Variants in LAMB4 observed in about 807,000 individuals in gnomAD.
LAMB4 encodes laminin subunit beta-4.
LAMB4 carries 196 observed loss-of-function variants against 199.2 expected under a neutral mutation model. The ratio of observed to expected loss-of-function variants is 0.98; its 90% confidence interval spans 0.88 to 1.11. The LOEUF is 1.11. Ranked by LOEUF, LAMB4 falls within the 50% of genes least tolerant of loss-of-function variation. LAMB4 has a pLI of 0.00. For missense variants in LAMB4, 2,080 were observed against 2,171.2 expected (o/e 0.96, Z 0.83); for synonymous variants, 744 against 770.6 (o/e 0.97, Z 0.57).
chr7:108,019,881 A>C (rs1401827370), downstream of LAMB4, among the ~76,000 whole-genome samples: 1 of 152,112 alleles, frequency 6.6e-6, no homozygotes. Context: ...GTTGGGTCTC[A>C]GCTGTCCTTC....
intron 20 of LAMB4, 44 bp from the exon 21 acceptor site, chr7:108,065,963 A>C: frequency 6.3e-7 from 1 of 1,575,668 alleles, no homozygotes; most frequent in Non-Finnish European, 8.7e-7. Flanking sequence ...CCAGGAAAAG[A>C]TCACATGTTA....
At chr7:108,116,327 T>C (rs2038406965) in intron 2 of LAMB4, among the ~76,000 whole-genome samples, 166 bp from the exon 3 acceptor site, 3 of 152,206 alleles carry the variant, frequency 2.0e-5, no homozygotes, top group Admixed American at 2.0e-4. Flanking sequence ...CTACTTTGCT[T>C]GCTGGGTGGC....
At chr7:108,085,657 A>G (rs1220815572) in intron 14 of LAMB4, among the ~76,000 whole-genome samples, 2 of 151,922 alleles carry the variant, frequency 1.3e-5, no homozygotes, top group African/African-American at 4.8e-5. Flanking sequence ...TCTGTCACCC[A>G]GGCTGGAGTG....
intron 23 of LAMB4, among the ~76,000 whole-genome samples, chr7:108,061,733 T>C (rs1219216288): frequency 7.3e-6 from 1 of 136,474 alleles, no homozygotes; most frequent in East Asian, 2.0e-4. Context: ...AGCAAGACTC[T>C]TGTCTCAAAA....
chr7:108,075,251 T>C (rs191294408), intron 17 of LAMB4, among the ~76,000 whole-genome samples: 5 of 152,350 alleles, frequency 3.3e-5, no homozygotes, highest in Admixed American at 3.3e-4. Context: ...TTCTACTTTC[T>C]ACTTTATTTC....
chr7:108,020,487 A>G (rs538211220), downstream of LAMB4, among the ~76,000 whole-genome samples: 107 of 151,714 alleles, frequency 7.1e-4, no homozygotes, highest in Middle Eastern at 3.4e-3. Flanking sequence ...AAAAAAAAAA[A>G]AAAGAAAAGA....
intron 16 of LAMB4, among the ~76,000 whole-genome samples, 182 bp downstream of exon 16, chr7:108,078,019 G>A (rs1266476941): frequency 1.3e-5 from 2 of 152,222 alleles, no homozygotes; most frequent in African/African-American, 4.8e-5. Context: ...GTACTGAGTT[G>A]TTATGAAGAT....
the LAMB4 span, among the ~76,000 whole-genome samples, chr7:108,017,592 A>T: frequency 6.6e-6 from 1 of 152,202 alleles, no homozygotes; most frequent in African/African-American, 2.4e-5. Flanking sequence ...GTCCTCATAA[A>T]ACTTGATGTC....
chr7:108,024,171 T>C lies in LAMB4; in HGVS notation c.5154A>G (p.Glu1718=). Residue 1718 remains glutamate (E), a synonymous_variant, in exon 34 of 34, where the codon GAA becomes GAG. Transcript: ENST00000388781. ...EAKIRRITDL[E]RKIQDLNLSR... is the part of the protein sequence containing the mutation. ...TTAGATTCAAATCTTGGATTTTCCT[T>C]TCTAAATCTGAAAGAAGAAAATGAA... is the stretch of plus-strand genomic sequence containing the variant. 2 of 1,551,274 alleles carry C rather than the reference T, an allele frequency of 1.3e-6. No homozygotes were observed. The highest frequency in any genetic ancestry group is 1.8e-6 in the Non-Finnish European group (2 of 1,141,542).
At chr7:108,127,417 C>G (rs2038833221) in intron 1 of LAMB4, among the ~76,000 whole-genome samples, 1 of 152,142 alleles carries the variant, frequency 6.6e-6, no homozygotes, top group Admixed American at 6.5e-5. Flanking sequence ...CTAAATTCTT[C>G]TCATCAAGCC....
downstream of LAMB4, among the ~76,000 whole-genome samples, chr7:108,021,442 G>T (rs2034690382): frequency 6.6e-6 from 1 of 152,148 alleles, no homozygotes; most frequent in Non-Finnish European, 1.5e-5. Context: ...GGGCATGGTG[G>T]CTCACGCCTG....
chr7:108,024,669 C>T (rs2034770189), intron 33 of LAMB4, among the ~76,000 whole-genome samples: 1 of 152,176 alleles, frequency 6.6e-6, no homozygotes, highest in Admixed American at 6.5e-5. Flanking sequence ...ATCCATCAAT[C>T]CATTGATCCG....
At chr7:108,110,985 A>C (rs1394238837) in intron 4 of LAMB4, among the ~76,000 whole-genome samples, 5 of 152,154 alleles carry the variant, frequency 3.3e-5, no homozygotes, top group African/African-American at 1.2e-4. Context: ...AAGGAAATAC[A>C]TTCAGGAGTT....
intron 29 of LAMB4, among the ~76,000 whole-genome samples, chr7:108,037,955 G>A (rs1479244021): frequency 6.6e-6 from 1 of 152,168 alleles, no homozygotes; most frequent in East Asian, 1.9e-4. Flanking sequence ...GAAGATTTAA[G>A]CACAATGAAT....
At chr7:108,080,831 A>C (rs550466679) in intron 14 of LAMB4, among the ~76,000 whole-genome samples, 41 of 151,778 alleles carry the variant, frequency 2.7e-4, no homozygotes, top group African/African-American at 8.5e-4. Context: ...AAAAAAAAAA[A>C]CCCCTTGTAA....
intron 1 of LAMB4, among the ~76,000 whole-genome samples, chr7:108,124,725 C>T (rs1048667357): frequency 7.2e-5 from 11 of 152,146 alleles, no homozygotes; most frequent in East Asian, 1.9e-4. Context: ...ACCTCTTTCA[C>T]GTATTTTCAA....
Position 108,121,160 on chromosome 7 carries a change from C to T in LAMB4, c.34+1971G>A, listed in dbSNP as rs1280463724. Among the ~76,000 whole-genome samples, 9 of 152,188 alleles carry T rather than the reference C, an allele frequency of 5.9e-5. No individual in the cohort carries two copies. In the South Asian group the frequency reaches 6.2e-4, roughly 11 times the overall value. On this transcript the variant is annotated intron_variant, in intron 2 of 33. Transcript: ENST00000388781. ...CAATCAACACGTTCCTAAAAGATGA[C>T]GCAACCTGAAGATAGAACCTGAAGA...
the LAMB4 span, among the ~76,000 whole-genome samples, chr7:108,011,662 G>A: frequency 7.2e-5 from 11 of 152,016 alleles, no homozygotes; most frequent in African/African-American, 2.7e-4. Flanking sequence ...CAGGTGATCA[G>A]CCCGCCTCAG....
chr7:108,053,198 T>C (rs1360882717), intron 25 of LAMB4, among the ~76,000 whole-genome samples: 1 of 152,234 alleles, frequency 6.6e-6, no homozygotes, highest in African/African-American at 2.4e-5. Context: ...AAGAATCCTA[T>C]GAAATCCAGA....
Sources: gnomAD v4.1 joint callset for allele counts (sites outside exome capture counted in the v4.1 genomes callset) on GRCh38, gnomAD v4.1.1 for gene constraint, MANE v1.5 for transcripts, NCBI Gene and HGNC (gene_info 2026-07-23, HGNC 2026-07-21) for gene names.